Variants in TXLNB observed in about 807,000 individuals in gnomAD.
TXLNB encodes taxilin beta, also known as beta-taxilin.
In TXLNB, 37 loss-of-function variants were observed where a neutral mutation model predicts 57.4. The observed-to-expected ratio is 0.64, with a 90% CI of 0.50 to 0.85. TXLNB has a LOEUF of 0.85. Among genes scored for constraint, TXLNB ranks in the 40% least tolerant of loss-of-function variants. TXLNB has a pLI of 0.00. For missense variants in TXLNB, 848 were observed against 825.6 expected (o/e 1.03, Z -0.33); for synonymous variants, 302 against 309.6 (o/e 0.98, Z 0.26).
the TXLNB span, among the ~76,000 whole-genome samples, chr6:139,184,184 A>G: frequency 3.3e-5 from 5 of 152,250 alleles, no homozygotes; most frequent in Admixed American, 6.5e-5. Context: ...GACATTGTAC[A>G]GAGCAGGGAG....
chr6:139,316,256 C>T, the TXLNB span, among the ~76,000 whole-genome samples: 1 of 152,152 alleles, frequency 6.6e-6, no homozygotes, highest in African/African-American at 2.4e-5. Flanking sequence ...TTATAAAATC[C>T]AGTTTTAGAA....
chr6:139,161,840 AAAC>A, the TXLNB span, among the ~76,000 whole-genome samples: 2 of 152,220 alleles, frequency 1.3e-5, no homozygotes, highest in Non-Finnish European at 2.9e-5. Context: ...ATCAAGATAA[AAAC>A]AACTACACTT....
chr6:139,288,999 A>G (rs1332461769), intron 1 of TXLNB, 86 bp from the exon 2 acceptor site: 2 of 933,386 alleles, frequency 2.1e-6, no homozygotes, highest in Non-Finnish European at 3.2e-6. Flanking sequence ...ATATCCCCCA[A>G]GTGAATACCA....
the TXLNB span, among the ~76,000 whole-genome samples, chr6:139,198,476 G>T: frequency 1.3e-5 from 2 of 152,042 alleles, no homozygotes; most frequent in Non-Finnish European, 2.9e-5. Flanking sequence ...TCAGGCCGGG[G>T]TGCCTACCTC....
the TXLNB span, among the ~76,000 whole-genome samples, chr6:139,163,668 A>G: frequency 6.6e-6 from 1 of 152,158 alleles, no homozygotes; most frequent in Non-Finnish European, 1.5e-5. Flanking sequence ...CTGCCTGGAC[A>G]TAATTCTCTC....
At chr6:139,284,560 A>G (rs1402878589) in intron 2 of TXLNB, among the ~76,000 whole-genome samples, 1 of 145,366 alleles carries the variant, frequency 6.9e-6, no homozygotes, top group Non-Finnish European at 1.5e-5. Context: ...AAATAAATAA[A>G]TAAGTACTCA....
At chr6:139,243,366 A>C (rs773177338) in intron 9 of TXLNB, 52 bp from the exon 10 acceptor site, 1 of 1,521,146 alleles carries the variant, frequency 6.6e-7, no homozygotes, top group Admixed American at 2.0e-5. Flanking sequence ...TGACATGATA[A>C]GCAAAATGTC....
At chr6:139,250,290 A>C (rs1380122966) in intron 7 of TXLNB, among the ~76,000 whole-genome samples, 1 of 148,346 alleles carries the variant, frequency 6.7e-6, no homozygotes, top group East Asian at 2.0e-4. Context: ...CACTGTACCC[A>C]GCCAATCATG....
At chr6:139,184,305 G>A in the TXLNB span, among the ~76,000 whole-genome samples, 1 of 152,212 alleles carries the variant, frequency 6.6e-6, no homozygotes, top group Non-Finnish European at 1.5e-5. Context: ...ATTTGGGCTT[G>A]TGACAAGGGA....
the TXLNB span, among the ~76,000 whole-genome samples, chr6:139,219,894 A>G: frequency 4.6e-5 from 7 of 152,186 alleles, no homozygotes; most frequent in Non-Finnish European, 8.8e-5. Context: ...CTGATATAAG[A>G]GTATTAGGCT....
At chr6:139,235,322 T>A (rs184968946), downstream of TXLNB, among the ~76,000 whole-genome samples, 2 of 152,182 alleles carry the variant, frequency 1.3e-5, no homozygotes, top group East Asian at 3.9e-4. Context: ...GTAACTAACT[T>A]GTTTTTGATT....
At chr6:139,159,651 C>G in the TXLNB span, among the ~76,000 whole-genome samples, 2 of 152,192 alleles carry the variant, frequency 1.3e-5, no homozygotes, top group Non-Finnish European at 2.9e-5. Flanking sequence ...CACCCTCTCT[C>G]TATTACTGTG....
the TXLNB span, among the ~76,000 whole-genome samples, chr6:139,217,605 A>G: frequency 1.3e-5 from 2 of 152,148 alleles, no homozygotes; most frequent in African/African-American, 4.8e-5. Context: ...GTGGCGGCTC[A>G]CACCTGTAAT....
At chr6:139,281,846 C>A (rs1777060806) in intron 2 of TXLNB, among the ~76,000 whole-genome samples, 1 of 107,462 alleles carries the variant, frequency 9.3e-6, no homozygotes, top group Admixed American at 8.2e-5. Flanking sequence ...CCGCGCCCGG[C>A]CCTGGAGTTC....
the TXLNB span, among the ~76,000 whole-genome samples, chr6:139,213,018 A>T: frequency 6.6e-6 from 1 of 152,224 alleles, no homozygotes; most frequent in East Asian, 1.9e-4. Flanking sequence ...AGACTCCCAC[A>T]CAATAATAAT....
At chr6:139,227,735 G>A in the TXLNB span, among the ~76,000 whole-genome samples, 1 of 152,126 alleles carries the variant, frequency 6.6e-6, no homozygotes, top group Non-Finnish European at 1.5e-5. Flanking sequence ...AAGCCAAAAC[G>A]TGGATGAATT....
intron 2 of TXLNB, among the ~76,000 whole-genome samples, chr6:139,282,302 C>A (rs1777073617): frequency 2.0e-5 from 3 of 146,970 alleles, no homozygotes; most frequent in African/African-American, 5.0e-5. Flanking sequence ...AGGGGCCGGG[C>A]GCGGTGGCTC....
the TXLNB span, chr6:139,177,155 T>A: frequency 4.1e-6 from 3 of 737,322 alleles, no homozygotes; most frequent in South Asian, 5.0e-5. The surrounding 1 kb of genome is among the most constrained non-coding windows in gnomAD (Gnocchi z 4.9). Flanking sequence ...ATTACTTTAT[T>A]ACATATCTTT....
At chr6:139,208,087 A>AAG in the TXLNB span, among the ~76,000 whole-genome samples, 1 of 151,986 alleles carries the variant, frequency 6.6e-6, no homozygotes, top group Non-Finnish European at 1.5e-5. Context: ...AACAAAAAAA[A>AAG]AGAGAGAGAG....
Sources: gnomAD v4.1 joint callset for allele counts (sites outside exome capture counted in the v4.1 genomes callset) on GRCh38, gnomAD v4.1.1 for gene constraint, Gnocchi (gnomAD v3.1) non-coding constraint, MANE v1.5 for transcripts, NCBI Gene and HGNC (gene_info 2026-07-23, HGNC 2026-07-21) for gene names.